The following CHEK2 variants were observed in gnomAD, a reference collection of about 807,000 sequenced individuals.
CHEK2 encodes serine/threonine-protein kinase Chk2.
In CHEK2, 71 loss-of-function variants were observed where a neutral mutation model predicts 69.1. That is an observed-to-expected ratio of 1.03 (90% CI 0.85 to 1.25). The LOEUF (loss-of-function observed/expected upper bound fraction) is 1.25, where lower values mean the gene tolerates loss of function less well. Among genes scored for constraint, CHEK2 ranks in the 50% most tolerant of loss-of-function variants. CHEK2 has a pLI of 0.00. For synonymous variants in CHEK2, 189 were observed against 226.9 expected, an observed-to-expected ratio of 0.83 and a Z score of 1.50; for missense variants, 664 against 649.6, an observed-to-expected ratio of 1.02 and a Z score of -0.24.
chr22:28,710,765 GTTTAAT>G (rs2053364971), intron 6 of CHEK2, among the ~76,000 whole-genome samples: 1 of 152,130 alleles, frequency 6.6e-6, no homozygotes, highest in African/African-American at 2.4e-5. Flanking sequence ...AAACCCAGAT[GTTTAAT>G]TTTAAGAGCC....
chr22:28,699,879 T>C lies in CHEK2; in HGVS notation c.967A>G (p.Thr323Ala), dbSNP rs750984976. 1 of 1,614,090 alleles carries C rather than the reference T, an allele frequency of 6.2e-7. No individual in the cohort carries two copies. Residue 323 changes from threonine to alanine, a missense_variant, in exon 9 of 15, where the codon ACC becomes GCC. Thr to Ala is a moderately conservative substitution (Grantham distance 58). Coordinates refer to ENST00000404276, the MANE Select transcript of CHEK2 (RefSeq NM_007194.4). ...VVGNKRLKEA[T>A]CKLYFYQMLL... ...ATCTGGTAAAAATAGAGCTTGCAGG[T>C]AGCTTCTTTCAGGCGTTTATTCCCC...
In CHEK2 at chr22:28,719,471, CA is replaced by C. The variant is rs886039609; in HGVS notation, c.606del (p.Phe202LeufsTer3). 4 of 1,580,924 alleles carry C rather than the reference CA, an allele frequency of 2.5e-6. No homozygotes were observed. The highest frequency in any genetic ancestry group is 3.5e-6 in the Non-Finnish European group (4 of 1,157,812). ...ACTGACTGATCATCTACAGTCAGAT[CA>C]AAAAAGACAAAAACTAAGGAAGAAA... Reference protein sequence around the residue: ...SLSRNKVFVFFDLTVDDQSVY... With the variant: ...SLSRNKVFVFXDLTVDDQSVY... On this transcript the variant is annotated frameshift_variant, in exon 5 of 15. Transcript: ENST00000404276. LOFTEE classifies it high-confidence loss of function.
chr22:28,695,725 A>T lies in CHEK2; in HGVS notation c.1244T>A (p.Val415Asp), dbSNP rs748555394. The T allele has an allele frequency of 1.2e-6, 2 of 1,613,580 alleles. No homozygotes were observed. Among genetic ancestry groups the T allele is most frequent in the Non-Finnish European group, 8.5e-7 (1 of 1,179,600 alleles). The change falls in exon 11 of 15, where the codon GTT becomes GAT. Residue 415 changes from valine (V) to aspartate (D), a missense_variant. Physicochemically the swap from Val to Asp is radical, Grantham distance 152. Transcript: ENST00000404276. ...NRAVDCWSLG[V>D]ILFICLSGYP... ...TATTTCTTACCAGATAAAAAGAATA[A>T]CTCCTAAACTCCAGCAGTCCACAGC...
At chr22:28,702,695 C>T (rs571464698) in intron 8 of CHEK2, among the ~76,000 whole-genome samples, 24 of 151,830 alleles carry the variant, frequency 1.6e-4, no homozygotes, top group East Asian at 5.8e-4. Context: ...AACAGGTGTG[C>T]GCCACCACAC....
intron 9 of CHEK2, 116 bp downstream of exon 9, chr22:28,699,722 A>G (rs1476563555): frequency 2.4e-6 from 2 of 830,506 alleles, no homozygotes; most frequent in Non-Finnish European, 4.2e-6. Flanking sequence ...AGAGAACAGC[A>G]AACACACAGA....
At chr22:28,721,427 C>T in intron 4 of CHEK2, 1 of 307,738 alleles carries the variant, frequency 3.2e-6, no homozygotes, top group Non-Finnish European at 6.9e-6. Flanking sequence ...GCTGGGATTA[C>T]AGGCGCCTGC....
chr22:28,710,915 T>G (rs1372390654), intron 6 of CHEK2, among the ~76,000 whole-genome samples: 1 of 152,308 alleles, frequency 6.6e-6, no homozygotes, highest in East Asian at 1.9e-4. Flanking sequence ...TTTAACAATC[T>G]AGTTGGTATT....
intron 7 of CHEK2, among the ~76,000 whole-genome samples, chr22:28,705,968 A>AAAACTAAACTAAACTAAACT (rs60257889): frequency 0.019 from 2,749 of 147,506 alleles, 44 homozygotes; most frequent in East Asian, 0.05. Context: ...AACTAAACTA[A>AAAACTAAACTAAACTAAACT]AAACTAAACT....
At chr22:28,711,590 A>C (rs950923102) in intron 6 of CHEK2, among the ~76,000 whole-genome samples, 2 of 151,612 alleles carry the variant, frequency 1.3e-5, no homozygotes, top group African/African-American at 4.8e-5. Flanking sequence ...TTATGGCTGA[A>C]TTTTTTTCTC....
intron 1 of CHEK2, chr22:28,737,472 TTC>T: frequency 4.5e-6 from 1 of 222,298 alleles, no homozygotes; most frequent in Non-Finnish European, 9.4e-6. Flanking sequence ...AACTGATTAT[TTC>T]TTTTTTTTTT....
intron 5 of CHEK2, among the ~76,000 whole-genome samples, chr22:28,713,461 G>A (rs2053479329): frequency 6.6e-6 from 1 of 150,796 alleles, no homozygotes; most frequent in East Asian, 2.0e-4. Flanking sequence ...CCGGGTTCAC[G>A]CCATTCTGCC....
At chr22:28,700,023 T>C in intron 8 of CHEK2, 86 bp from the exon 9 acceptor site, 1 of 857,616 alleles carries the variant, frequency 1.2e-6, no homozygotes, top group Non-Finnish European at 1.9e-6. Flanking sequence ...AACAAATTCA[T>C]TAAGACAAGC....
intron 8 of CHEK2, among the ~76,000 whole-genome samples, chr22:28,701,231 TTTTTC>T (rs1228344950): frequency 1.3e-5 from 2 of 151,626 alleles, no homozygotes; most frequent in Non-Finnish European, 2.9e-5. Context: ...ACCATAGTCT[TTTTTC>T]TTTTTTCTTA....
chr22:28,710,337 T>TG, intron 6 of CHEK2, among the ~76,000 whole-genome samples: 1 of 152,178 alleles, frequency 6.6e-6, no homozygotes, highest in South Asian at 2.1e-4. Context: ...AATCCCCATC[T>TG]TACAGATGGG....
chr22:28,711,372 G>A (rs1203845784), intron 6 of CHEK2, among the ~76,000 whole-genome samples: 3 of 152,118 alleles, frequency 2.0e-5, no homozygotes, highest in Admixed American at 2.0e-4. Context: ...AAATGGTTAA[G>A]TAAATTACAA....
chr22:28,737,231 A>T lies in CHEK2; in HGVS notation c.-6-2504T>A, dbSNP rs1314929757. ...CACAACTTTCTTTTTCCTTCTTCAC[A>T]ATTTCACAAATAGAAGATTAGTTCT... On this transcript the variant is annotated intron_variant, in intron 1 of 14. Coordinates refer to ENST00000404276, the MANE Select transcript of CHEK2 (RefSeq NM_007194.4). 5 of 461,272 alleles carry T rather than the reference A, an allele frequency of 1.1e-5. No homozygotes were observed. The East Asian group carries it at 2.5e-4, about 23-fold the overall frequency. 28.6% of individuals were successfully genotyped at this position (461,272 alleles called of 1,614,324 possible). A position where few individuals can be genotyped will look rare whatever the true frequency, so the allele number is the denominator to read the frequency against.
At chr22:28,703,050 A>G (rs2052950178) in intron 8 of CHEK2, among the ~76,000 whole-genome samples, 1 of 152,220 alleles carries the variant, frequency 6.6e-6, no homozygotes, top group Non-Finnish European at 1.5e-5. Flanking sequence ...AAAAACCCAC[A>G]GTTATGGTGA....
At chr22:28,739,188 T>C (rs985920437) in intron 1 of CHEK2, among the ~76,000 whole-genome samples, 4 of 151,908 alleles carry the variant, frequency 2.6e-5, no homozygotes, top group Non-Finnish European at 4.4e-5. Flanking sequence ...GAGAATCACT[T>C]GAACTCAGGA....
At chr22:28,716,748 T>C (rs1291522913) in intron 5 of CHEK2, among the ~76,000 whole-genome samples, 2 of 152,234 alleles carry the variant, frequency 1.3e-5, no homozygotes, top group African/African-American at 4.8e-5. Flanking sequence ...CATTTTGTAA[T>C]GTGGTAACAG....
Sources: allele counts gnomAD v4.1 joint callset (sites outside exome capture counted in the v4.1 genomes callset), GRCh38; gene constraint gnomAD v4.1.1; transcripts MANE v1.5; gene names NCBI Gene and HGNC (gene_info 2026-07-23, HGNC 2026-07-21).